Variants in HNF4A observed in about 807,000 individuals in gnomAD.
HNF4A encodes hepatocyte nuclear factor 4-alpha.
Under a neutral mutation model 52.4 loss-of-function variants are expected in HNF4A, and 15 were observed. The observed-to-expected ratio is 0.29, with a 90% CI of 0.19 to 0.44. The LOEUF is 0.44. Among genes scored for constraint, HNF4A ranks in the 20% least tolerant of loss-of-function variants. HNF4A has a pLI of 1.00. For missense variants in HNF4A, 479 were observed against 647.2 expected (o/e 0.74, Z 2.82); for synonymous variants, 280 against 264.4 (o/e 1.06, Z -0.57).
chr20:44,419,952 G>C, intron 7 of HNF4A, 76 bp downstream of exon 7: 1 of 1,426,724 alleles, frequency 7.0e-7, no homozygotes, highest in Non-Finnish European at 9.9e-7. Flanking sequence ...ATTGGGTTCT[G>C]TACACTGAGT....
Position 44,429,596 on chromosome 20 carries a change from C to G in HNF4A, c.1356C>G (p.Ala452=), listed in dbSNP as rs530389600. The stretch of plus-strand genomic sequence containing the variant: ...AGCCCTATAAGCTCCTGCCGGGAGC[C>G]GTCGCCACAATCGTCAAGCCCCTCT... The change falls in exon 10 of 10, where the codon GCC becomes GCG. Residue 452 remains alanine (A), a synonymous_variant. Coordinates refer to ENST00000316099, the MANE Select transcript of HNF4A (RefSeq NM_000457.6). The G allele has an allele frequency of 1.9e-6, 3 of 1,613,894 alleles. No individual in the cohort carries two copies. The highest frequency in any genetic ancestry group is 1.1e-5 in the South Asian group (1 of 91,082).
chr20:44,385,954 G>T (rs1218163488), intron 1 of HNF4A, among the ~76,000 whole-genome samples: 1 of 151,788 alleles, frequency 6.6e-6, no homozygotes, highest in Non-Finnish European at 1.5e-5. Context: ...CCACCTCCCA[G>T]GTTCAAGCGA....
intron 5 of HNF4A, among the ~76,000 whole-genome samples, chr20:44,417,158 G>GC (rs11086924): frequency 0.55 from 83,788 of 151,986 alleles, 23,440 homozygotes; most frequent in Middle Eastern, 0.67. Flanking sequence ...ACAAACAAAG[G>GC]ATTTTAACCT....
At chr20:44,411,102 G>A (rs1002570947) in intron 3 of HNF4A, among the ~76,000 whole-genome samples, 8 of 152,170 alleles carry the variant, frequency 5.3e-5, no homozygotes, top group African/African-American at 1.4e-4. Flanking sequence ...GTCAGGCCCA[G>A]GACAAATATT....
intron 9 of HNF4A, among the ~76,000 whole-genome samples, chr20:44,429,196 T>A (rs1296121808): frequency 6.6e-6 from 1 of 152,140 alleles, no homozygotes; most frequent in East Asian, 1.9e-4. Flanking sequence ...CTGTCACCCA[T>A]CCCATTGCCG....
intron 6 of HNF4A, among the ~76,000 whole-genome samples, chr20:44,418,941 A>G (rs1254915980): frequency 1.3e-5 from 2 of 152,010 alleles, no homozygotes; most frequent in African/African-American, 2.4e-5. Flanking sequence ...ACACCCAGCT[A>G]ATTTTTGTAT....
intron 2 of HNF4A, 98 bp from the exon 3 acceptor site, chr20:44,407,283 C>T: frequency 1.2e-6 from 1 of 863,312 alleles, no homozygotes; most frequent in Non-Finnish European, 1.9e-6. Context: ...GATGAGAGCA[C>T]TGAGGTTGGG....
At chr20:44,387,112 G>A (rs1320336624) in intron 1 of HNF4A, among the ~76,000 whole-genome samples, 2 of 151,868 alleles carry the variant, frequency 1.3e-5, no homozygotes, top group Admixed American at 6.6e-5. Flanking sequence ...AGATCAGCCT[G>A]GCCAACATGG....
rs1230309211 is a variant in HNF4A at position 44,407,487 on chromosome 20, C to A, written c.385+12C>A. The A allele has an allele frequency of 1.2e-5, 19 of 1,549,308 alleles. No individual in the cohort carries two copies. The highest frequency in any genetic ancestry group is 1.7e-5 in the Non-Finnish European group (19 of 1,136,888). ...CATGAAGAAGGAAGGTGAGCCTCGG[C>A]CCTCCCCGCCCCACCACCACTGCCC... On this transcript the variant is annotated intron_variant, in intron 3 of 9. Transcript: ENST00000316099.
intron 1 of HNF4A, among the ~76,000 whole-genome samples, chr20:44,373,608 C>T (rs900236053): frequency 9.9e-5 from 15 of 152,108 alleles, no homozygotes; most frequent in African/African-American, 2.9e-4. Flanking sequence ...CCCTAATAAA[C>T]CCCTAAACGT....
downstream of HNF4A, chr20:44,433,622 A>C (rs1449464341): frequency 6.6e-6 from 1 of 152,346 alleles, no homozygotes; most frequent in Non-Finnish European, 1.5e-5. Flanking sequence ...TCGAGGATGC[A>C]GTGAGCTATG....
At chr20:44,370,895 G>A (rs755546228) in intron 1 of HNF4A, among the ~76,000 whole-genome samples, 3 of 152,288 alleles carry the variant, frequency 2.0e-5, no homozygotes, top group South Asian at 2.1e-4. Context: ...AGCCTGGGCC[G>A]CCAAACTGCC....
At chr20:44,394,780 C>A (rs1452714584) in intron 1 of HNF4A, among the ~76,000 whole-genome samples, 1 of 152,208 alleles carries the variant, frequency 6.6e-6, no homozygotes, top group Non-Finnish European at 1.5e-5. Context: ...GGCCTCCTGC[C>A]CACCCAGGCC....
At chr20:44,359,892 C>T (rs1027131737) in intron 1 of HNF4A, among the ~76,000 whole-genome samples, 1 of 152,122 alleles carries the variant, frequency 6.6e-6, no homozygotes, top group African/African-American at 2.4e-5. Context: ...TGCTCAGTGC[C>T]AATCTGGTAC....
Position 44,413,768 on chromosome 20 carries a change from G to A in HNF4A, c.460G>A (p.Ala154Thr). The A allele has an allele frequency of 1.2e-6, 2 of 1,613,710 alleles. No individual in the cohort carries two copies. The highest frequency in any genetic ancestry group is 1.7e-6 in the Non-Finnish European group (2 of 1,179,830). Residue 154 changes from alanine to threonine, a missense_variant, in exon 4 of 10, where the codon GCG (alanine) becomes ACG (threonine). Ala to Thr is a moderately conservative substitution (Grantham distance 58). This residue lies in a region of HNF4A where 389 missense variants were observed against 525.1 expected (regional missense o/e 0.74). Transcript: ENST00000316099. ...GGACAGCAGCCTGCCCTCCATCAATGCGCTCCTGCAGGCGGAGGTCCTGTC... is the reference window on the plus strand; with the variant it reads ...GGACAGCAGCCTGCCCTCCATCAATACGCTCCTGCAGGCGGAGGTCCTGTC...
intron 1 of HNF4A, among the ~76,000 whole-genome samples, chr20:44,384,875 T>C (rs1335766523): frequency 6.6e-6 from 1 of 151,870 alleles, no homozygotes; most frequent in East Asian, 1.9e-4. Flanking sequence ...TGATGGCCCA[T>C]CCCACCAAGT....
chr20:44,404,877 CTGCT>C (rs1410082362), intron 1 of HNF4A, among the ~76,000 whole-genome samples: 3 of 3,380 alleles, frequency 8.9e-4, no homozygotes, highest in African/African-American at 2.6e-3. Context: ...GTGTGTGTGA[CTGCT>C]TGGTGTGTGT....
chr20:44,369,249 CAAAAAAAAAAAAA>C (rs751374772), intron 1 of HNF4A, among the ~76,000 whole-genome samples: 4 of 24,822 alleles, frequency 1.6e-4, no homozygotes, highest in Non-Finnish European at 1.9e-4. Context: ...AACTCCATCT[CAAAAAAAAAAAAA>C]AAAAAAAAAA....
intron 1 of HNF4A, among the ~76,000 whole-genome samples, chr20:44,365,105 C>T (rs1047786717): frequency 9.2e-5 from 14 of 152,202 alleles, no homozygotes; most frequent in African/African-American, 3.1e-4. Flanking sequence ...CACACACACA[C>T]GTTAAATATG....
Sources: allele counts gnomAD v4.1 joint callset (sites outside exome capture counted in the v4.1 genomes callset), GRCh38; gene constraint gnomAD v4.1.1; regional missense constraint gnomAD v4.1.1; transcripts MANE v1.5; gene names NCBI Gene and HGNC (gene_info 2026-07-23, HGNC 2026-07-21).